The following DPP10 variants were observed in gnomAD, a reference collection of about 807,000 sequenced individuals.
The protein encoded by DPP10 is dipeptidyl peptidase like 10.
In DPP10, 33 loss-of-function variants were observed where a neutral mutation model predicts 120.9. The observed-to-expected ratio is 0.27, with a 90% CI of 0.21 to 0.37. DPP10 has a LOEUF of 0.37. DPP10 is among the 10% of genes least tolerant of loss of function. The pLI is 1.00. For synonymous variants in DPP10, 337 were observed against 326.1 expected, an observed-to-expected ratio of 1.03 and a Z score of -0.36; for missense variants, 816 against 942.8, an observed-to-expected ratio of 0.87 and a Z score of 1.76.
chr2:115,284,109 A>G (rs114354245), intron 1 of DPP10, among the ~76,000 whole-genome samples: 2,536 of 152,052 alleles, frequency 0.017, 60 homozygotes, highest in African/African-American at 0.055. Context: ...TTAGCTATCA[A>G]TTTTCTCCAT....
At chr2:114,539,198 T>C (rs953599571) in intron 1 of DPP10, among the ~76,000 whole-genome samples, 20 of 148,648 alleles carry the variant, frequency 1.3e-4, no homozygotes, top group Non-Finnish European at 2.7e-4. Flanking sequence ...ATATAAATTA[T>C]ATTTATAATT....
chr2:115,585,332 C>T (rs1046671365), intron 5 of DPP10, among the ~76,000 whole-genome samples: 1 of 151,950 alleles, frequency 6.6e-6, no homozygotes, highest in Admixed American at 6.5e-5. Flanking sequence ...ATGGGTAATC[C>T]AGATAATGGC....
intron 4 of DPP10, among the ~76,000 whole-genome samples, chr2:115,501,956 T>A (rs969547735): frequency 6.6e-6 from 1 of 152,054 alleles, no homozygotes. Context: ...ATTAATTGGA[T>A]CAGATCAGTA....
intron 2 of DPP10, among the ~76,000 whole-genome samples, chr2:115,336,610 TATA>T (rs1559446446): frequency 2.6e-5 from 4 of 151,074 alleles, no homozygotes; most frequent in Non-Finnish European, 4.4e-5. Context: ...TATATATATA[TATA>T]TAATTGTGCC....
intron 1 of DPP10, among the ~76,000 whole-genome samples, chr2:115,010,803 C>G (rs1702208676): frequency 6.6e-6 from 1 of 152,192 alleles, no homozygotes; most frequent in African/African-American, 2.4e-5. Context: ...CACAGTCCCT[C>G]AGTACTCCAC....
rs540550423 is a variant in DPP10 at position 114,779,947 on chromosome 2, T to C, written c.60+337109T>C. The stretch of plus-strand genomic sequence containing the variant: ...GTCAGGAGATCGAGACCATCCTGGC[T>C]AACATGGTGAAACCCCATCTCTACT... On this transcript the variant is annotated intron_variant, in intron 1 of 25. Transcript: ENST00000410059. Among the ~76,000 whole-genome samples, 26 of 152,078 alleles carry C rather than the reference T, an allele frequency of 1.7e-4. No individual in the cohort carries two copies. In the East Asian group the frequency reaches 4.7e-3, roughly 27 times the overall value.
intron 1 of DPP10, among the ~76,000 whole-genome samples, chr2:114,971,753 A>G (rs1328091195): frequency 3.3e-5 from 5 of 152,208 alleles, no homozygotes; most frequent in African/African-American, 1.2e-4. Flanking sequence ...CTAAGGCACA[A>G]CTTCAGATGT....
chr2:114,573,032 A>G (rs539676504), intron 1 of DPP10, among the ~76,000 whole-genome samples: 9 of 152,320 alleles, frequency 5.9e-5, no homozygotes, highest in African/African-American at 1.9e-4. Flanking sequence ...GTCCGAGACT[A>G]GAGTGCAATG....
intron 5 of DPP10, among the ~76,000 whole-genome samples, chr2:115,656,820 A>G (rs1216758629): frequency 6.6e-6 from 1 of 151,734 alleles, no homozygotes; most frequent in Non-Finnish European, 1.5e-5. Flanking sequence ...TTTTATAGAA[A>G]TAATCATTCT....
chr2:114,987,809 T>TTTTTTTTTTTTTTA lies in DPP10; in HGVS notation c.61-321423_61-321422insTTTTTTATTTTTTT, dbSNP rs934618390. Among the ~76,000 whole-genome samples the TTTTTTTTTTTTTTA allele has an allele frequency of 2.3e-5, 3 of 129,224 alleles. No individual in the cohort carries two copies. The South Asian group carries it at 8.0e-4, about 34-fold the overall frequency. 84.8% of individuals were successfully genotyped at this position (129,224 alleles called of 152,430 possible). ...TCCTTGAGTGTGGAGACTGTCTTTT[T>TTTTTTTTTTTTTTA]TTTTTTTATTTTGAGATGGAGTCTC... On this transcript the variant is annotated intron_variant, in intron 1 of 25. Coordinates refer to ENST00000410059, the MANE Select transcript of DPP10 (RefSeq NM_020868.6).
At chr2:114,715,277 T>C (rs1328005043) in intron 1 of DPP10, among the ~76,000 whole-genome samples, 2 of 152,184 alleles carry the variant, frequency 1.3e-5, no homozygotes, top group Non-Finnish European at 2.9e-5. Flanking sequence ...TGTATTGATA[T>C]AAATAATGTT....
Position 115,736,115 on chromosome 2 carries a change from G to T in DPP10, c.698-3624G>T, listed in dbSNP as rs533583628. ...GAATAGAATTATGACTATATTCCTG[G>T]TGGATACCCTCGTCCTTTAGGCAAT... On this transcript the variant is annotated intron_variant, in intron 8 of 25. Transcript: ENST00000410059. 1.9e-4 allele frequency among the ~76,000 whole-genome samples: 29 copies of T among 152,150 alleles called. No homozygotes were observed. The South Asian group carries it at 5.8e-3, about 30-fold the overall frequency.
intron 1 of DPP10, among the ~76,000 whole-genome samples, chr2:115,122,544 G>A (rs2049877244): frequency 6.6e-6 from 1 of 152,234 alleles, no homozygotes; most frequent in Admixed American, 6.5e-5. Context: ...AGAGCCAGAG[G>A]TCCAATTAGT....
intron 1 of DPP10, among the ~76,000 whole-genome samples, chr2:114,807,326 G>C (rs995866676): frequency 2.6e-5 from 4 of 152,158 alleles, no homozygotes; most frequent in Non-Finnish European, 4.4e-5. Flanking sequence ...TTTCATAACA[G>C]TATGCAATGT....
chr2:115,142,280 C>G (rs1185314907), intron 1 of DPP10, among the ~76,000 whole-genome samples: 1 of 152,240 alleles, frequency 6.6e-6, no homozygotes, highest in East Asian at 1.9e-4. Context: ...ATCAGTTAAT[C>G]AAGCAGAGCC....
intron 1 of DPP10, among the ~76,000 whole-genome samples, chr2:115,037,855 G>C (rs573109543): frequency 6.6e-6 from 1 of 152,280 alleles, no homozygotes; most frequent in South Asian, 2.1e-4. Context: ...AAAGTCTAAA[G>C]AGTAATAATC....
intron 1 of DPP10, among the ~76,000 whole-genome samples, chr2:115,307,918 A>G (rs983266761): frequency 1.3e-5 from 2 of 152,156 alleles, no homozygotes; most frequent in African/African-American, 4.8e-5. Flanking sequence ...GATAATAAGC[A>G]TTATTTGAAA....
intron 1 of DPP10, among the ~76,000 whole-genome samples, chr2:114,501,057 A>G (rs746018976): frequency 3.4e-4 from 51 of 152,204 alleles, no homozygotes; most frequent in Non-Finnish European, 6.3e-4. Flanking sequence ...CACTTAATTT[A>G]CTAATGAATG....
chr2:114,989,664 CATA>C (rs2104918220), intron 1 of DPP10, among the ~76,000 whole-genome samples: 1 of 152,242 alleles, frequency 6.6e-6, no homozygotes, highest in African/African-American at 2.4e-5. Context: ...TGAGAAAGAA[CATA>C]GAAGAAACTG....
Sources: gnomAD v4.1 joint callset for allele counts (sites outside exome capture counted in the v4.1 genomes callset) on GRCh38, gnomAD v4.1.1 for gene constraint, MANE v1.5 for transcripts, NCBI Gene and HGNC (gene_info 2026-07-23, HGNC 2026-07-21) for gene names.